The following MLLT10 variants were observed in gnomAD, a reference collection of about 807,000 sequenced individuals.
MLLT10 encodes the protein protein AF-10.
A neutral mutation model predicts 129.1 loss-of-function variants in MLLT10; 30 were observed. The ratio of observed to expected loss-of-function variants is 0.23; its 90% CI spans 0.17 to 0.32. The LOEUF (loss-of-function observed/expected upper bound fraction) is 0.32, where lower values mean the gene tolerates loss of function less well. Ranked by LOEUF, MLLT10 falls within the 10% of genes least tolerant of loss-of-function variation. The pLI, the probability that MLLT10 is intolerant of heterozygous loss-of-function variation, is 1.00. For synonymous variants in MLLT10, 490 were observed against 446.4 expected (o/e 1.10, Z -1.23); for missense variants, 1,119 against 1,268.3 (o/e 0.88, Z 1.79).
chr10:21,671,833 G>T lies in MLLT10; in HGVS notation c.1051+1129G>T, dbSNP rs1285450364. ...CCAGGCTTGGTGATGTCTGCCTGTG[G>T]CCCCAGCTCCTCAGGAGGCTACAGT... On this transcript the variant is annotated intron_variant, in intron 10 of 22. Coordinates refer to ENST00000307729, the MANE Select transcript of MLLT10 (RefSeq NM_001195626.3). 2.6e-5 allele frequency among the ~76,000 whole-genome samples: 4 copies of T among 152,106 alleles called. No individual in the cohort carries two copies. The East Asian group carries it at 7.7e-4, about 29-fold the overall frequency.
intron 13 of MLLT10, among the ~76,000 whole-genome samples, chr10:21,711,375 T>C (rs2056072823): frequency 6.6e-6 from 1 of 151,318 alleles, no homozygotes; most frequent in African/African-American, 2.4e-5. Context: ...CGAGCCGAGA[T>C]TGCACCACTG....
At chr10:21,607,039 T>A (rs1415089852) in intron 5 of MLLT10, among the ~76,000 whole-genome samples, 1 of 152,150 alleles carries the variant, frequency 6.6e-6, no homozygotes, top group African/African-American at 2.4e-5. Context: ...GTAGGATTGC[T>A]TGAAGCCAGG....
chr10:21,648,263 T>A (rs1419022613), intron 8 of MLLT10, among the ~76,000 whole-genome samples: 2 of 152,248 alleles, frequency 1.3e-5, no homozygotes, highest in Non-Finnish European at 2.9e-5. Context: ...CCATGCACAG[T>A]GTGTTCCAGT....
intron 9 of MLLT10, among the ~76,000 whole-genome samples, chr10:21,666,431 C>T (rs942829495): frequency 1.7e-4 from 26 of 151,884 alleles, no homozygotes; most frequent in African/African-American, 6.0e-4. Context: ...TTTGGGAGGC[C>T]GAAGCGGGTG....
intron 22 of MLLT10, among the ~76,000 whole-genome samples, chr10:21,741,440 G>A (rs1196100529): frequency 6.6e-6 from 1 of 152,224 alleles, no homozygotes; most frequent in Admixed American, 6.5e-5. Flanking sequence ...GGTGCTGTTT[G>A]CTTAGTACCC....
At chr10:21,683,907 C>CT (rs1025525196) in intron 13 of MLLT10, among the ~76,000 whole-genome samples, 20 of 152,156 alleles carry the variant, frequency 1.3e-4, no homozygotes, top group African/African-American at 4.8e-4. Context: ...CAGCCATACT[C>CT]TTTTTACTTA....
chr10:21,626,075 T>G (rs2046402822), intron 8 of MLLT10: 3 of 1,568,614 alleles, frequency 1.9e-6, no homozygotes, highest in Non-Finnish European at 2.6e-6. Flanking sequence ...CTTCACTTCA[T>G]CAGGTCCCTT....
chr10:21,597,439 G>A (rs2043126922), intron 5 of MLLT10, among the ~76,000 whole-genome samples: 1 of 151,934 alleles, frequency 6.6e-6, no homozygotes, highest in African/African-American at 2.4e-5. Flanking sequence ...GCGCAGTCTC[G>A]GCTCACTGCA....
intron 8 of MLLT10, among the ~76,000 whole-genome samples, chr10:21,637,258 G>A (rs891175360): frequency 2.0e-5 from 3 of 152,206 alleles, no homozygotes; most frequent in African/African-American, 7.2e-5. Context: ...TTCCAACACA[G>A]TGTGTGGGTT....
chr10:21,593,477 T>C (rs1417678560), intron 4 of MLLT10, among the ~76,000 whole-genome samples: 1 of 152,212 alleles, frequency 6.6e-6, no homozygotes, highest in Non-Finnish European at 1.5e-5. Flanking sequence ...TTGTCTTGTG[T>C]GTACTTGATC....
chr10:21,717,683 C>CTCCTCCTCCTCCTCCTCT, intron 14 of MLLT10, among the ~76,000 whole-genome samples: 1 of 112,652 alleles, frequency 8.9e-6, no homozygotes, highest in Non-Finnish European at 1.8e-5. Context: ...CCTCTTCCTC[C>CTCCTCCTCCTCCTCCTCT]TCCTCCTCCT....
chr10:21,701,905 C>T (rs1006248752), intron 13 of MLLT10, among the ~76,000 whole-genome samples: 1 of 147,386 alleles, frequency 6.8e-6, no homozygotes, highest in East Asian at 2.1e-4. Flanking sequence ...TTTCTCTTCT[C>T]TTCTCTTCTC....
intron 5 of MLLT10, among the ~76,000 whole-genome samples, chr10:21,596,159 CAAGTA>C (rs1459777095): frequency 6.6e-6 from 1 of 151,942 alleles, no homozygotes; most frequent in Non-Finnish European, 1.5e-5. Context: ...AAAATACAGA[CAAGTA>C]AATAAATATA....
intron 5 of MLLT10, among the ~76,000 whole-genome samples, chr10:21,600,428 GAAGA>G (rs1464227688): frequency 6.7e-6 from 1 of 150,184 alleles, no homozygotes; most frequent in Non-Finnish European, 1.5e-5. Context: ...TTCTTAGAAT[GAAGA>G]GATAGACACT....
At chr10:21,722,932 A>G (rs1688661073) in intron 14 of MLLT10, among the ~76,000 whole-genome samples, 1 of 152,246 alleles carries the variant, frequency 6.6e-6, no homozygotes, top group South Asian at 2.1e-4. Context: ...AGATGTTTTT[A>G]TACACCAAAA....
chr10:21,673,972 T>A, intron 11 of MLLT10, 53 bp downstream of exon 11: 1 of 1,397,226 alleles, frequency 7.2e-7, no homozygotes, highest in Non-Finnish European at 9.6e-7. Context: ...ACCTCCCTTC[T>A]TCTGTCCCAA....
intron 13 of MLLT10, among the ~76,000 whole-genome samples, chr10:21,683,147 A>T (rs1387724890): frequency 6.6e-6 from 1 of 152,196 alleles, no homozygotes; most frequent in South Asian, 2.1e-4. Context: ...ATCGACAGCC[A>T]ACAAGAGACT....
At chr10:21,691,744 G>A (rs1049134789) in intron 13 of MLLT10, among the ~76,000 whole-genome samples, 4 of 151,978 alleles carry the variant, frequency 2.6e-5, no homozygotes, top group Non-Finnish European at 4.4e-5. Context: ...TTTTATAATA[G>A]TCAAAGCAAG....
intron 8 of MLLT10, chr10:21,625,133 C>G (rs150230701): frequency 1.9e-6 from 2 of 1,051,346 alleles, no homozygotes; most frequent in Non-Finnish European, 3.0e-6. Flanking sequence ...AACCTCTAAT[C>G]GGAAGCGGCA....
Sources: gnomAD v4.1 joint callset for allele counts (sites outside exome capture counted in the v4.1 genomes callset) on GRCh38, gnomAD v4.1.1 for gene constraint, MANE v1.5 for transcripts, NCBI Gene and HGNC (gene_info 2026-07-23, HGNC 2026-07-21) for gene names.